The following GRIP2 variants were observed in gnomAD, a reference collection of about 807,000 sequenced individuals.
GRIP2 encodes the protein glutamate receptor-interacting protein 2.
GRIP2 carries 58 observed loss-of-function variants against 108.3 expected under a neutral mutation model. The observed-to-expected ratio is 0.54, with a 90% CI of 0.43 to 0.67. GRIP2 has a LOEUF of 0.67. Ranked by LOEUF, GRIP2 falls within the 30% of genes least tolerant of loss-of-function variation. GRIP2 has a pLI of 0.00. For missense variants in GRIP2, 1,278 were observed against 1,430.6 expected (o/e 0.89, Z 1.72); for synonymous variants, 586 against 598.2 (o/e 0.98, Z 0.30).
chr3:14,500,371 C>T (rs569950558), intron 21 of GRIP2, among the ~76,000 whole-genome samples: 12 of 152,282 alleles, frequency 7.9e-5, no homozygotes, highest in African/African-American at 2.6e-4. Flanking sequence ...AAGGCAAACA[C>T]GAGTCCTCGG....
chr3:14,530,217 C>T (rs1694671905), intron 1 of GRIP2, among the ~76,000 whole-genome samples: 1 of 151,960 alleles, frequency 6.6e-6, no homozygotes, highest in East Asian at 1.9e-4. Flanking sequence ...CTTCAAAGGT[C>T]CTGGCTTTAT....
the GRIP2 span, among the ~76,000 whole-genome samples, chr3:14,575,139 G>A: frequency 2.6e-5 from 4 of 152,216 alleles, no homozygotes; most frequent in African/African-American, 7.2e-5. Flanking sequence ...CTCAACCAGA[G>A]TGGTTATAAG....
the GRIP2 span, among the ~76,000 whole-genome samples, chr3:14,579,828 G>A: frequency 4.7e-4 from 72 of 152,240 alleles, no homozygotes; most frequent in Admixed American, 8.5e-4. Flanking sequence ...GACCAGGGCT[G>A]AGAGGAGCAG....
In GRIP2 at chr3:14,493,759, T is replaced by C. The variant is rs201727899; in HGVS notation, c.3038A>G (p.Asp1013Gly). The change falls in exon 24 of 24, where the codon GAT (aspartate) becomes GGT (glycine). Residue 1013 changes from aspartate to glycine, a missense_variant. Physicochemically the swap from Asp to Gly is moderately conservative, Grantham distance 94. Coordinates refer to ENST00000621039, the MANE Select transcript of GRIP2 (RefSeq NM_001080423.4). ...GCGGCTGATGATCAGCTCCAAGACATCACCCGCCTCGGCCAGGAGTGGCAC... is the reference window on the plus strand; with the variant it reads ...GCGGCTGATGATCAGCTCCAAGACACCACCCGCCTCGGCCAGGAGTGGCAC... ...LAVPLLAEAG[D>G]VLELIISRKP... 1.2e-6 allele frequency: 2 copies of C among 1,612,082 alleles called. No individual in the cohort carries two copies. Among genetic ancestry groups the C allele is most frequent in the African/African-American group, 1.3e-5 (1 of 75,048 alleles).
chr3:14,567,064 C>T, the GRIP2 span, among the ~76,000 whole-genome samples: 5 of 152,160 alleles, frequency 3.3e-5, no homozygotes, highest in Non-Finnish European at 5.9e-5. Context: ...ACGTCAACTG[C>T]CCAGCCTTGA....
chr3:14,598,862 C>T, the GRIP2 span, among the ~76,000 whole-genome samples: 10 of 152,308 alleles, frequency 6.6e-5, no homozygotes, highest in Admixed American at 3.9e-4. Context: ...GTTCCCTCCG[C>T]CTGCCTTGCT....
rs1262929924 is a variant in GRIP2 at position 14,522,114 on chromosome 3, C to T, written c.567-327G>A. ...GGGGGTGCTCTTCAAGCGTCACCCC[C>T]AACTCCTGCCTCAGGGACAAAGGAC... is the stretch of plus-strand genomic sequence containing the variant. On this transcript the variant is annotated intron_variant, in intron 6 of 23. Coordinates refer to ENST00000621039, the MANE Select transcript of GRIP2 (RefSeq NM_001080423.4). This position sits in a 1 kb window ranked among gnomAD's most constrained non-coding sequence, Gnocchi z 4.3. 3 of 275,386 alleles carry T rather than the reference C, an allele frequency of 1.1e-5. No homozygotes were observed. The highest frequency in any genetic ancestry group is 2.0e-5 in the Non-Finnish European group (3 of 147,986). 17.1% of individuals were successfully genotyped at this position (275,386 alleles called of 1,614,324 possible). A position where few individuals can be genotyped will look rare whatever the true frequency, so the allele number is the denominator to read the frequency against.
In GRIP2 at chr3:14,517,777, C is replaced by T. The variant is rs754999247; in HGVS notation, c.1151G>A (p.Ser384Asn). The T allele has an allele frequency of 4.1e-5, 66 of 1,610,338 alleles. No homozygotes were observed. Among genetic ancestry groups the T allele is most frequent in the Non-Finnish European group, 5.4e-5 (64 of 1,178,804 alleles). The change falls in exon 10 of 24, where the codon AGC becomes AAC. Residue 384 changes from serine (S) to asparagine (N), a missense_variant. Transcript: ENST00000621039. ...CAGCAGGGCAGGCACATTACATCGGCTTTGGTCCTGGCCAGCAGGTGTGGC... is the reference window on the plus strand; with the variant it reads ...CAGCAGGGCAGGCACATTACATCGGTTTTGGTCCTGGCCAGCAGGTGTGGC... ...TWATPAGQDQ[S>N]RSLSSTPFSS...
At chr3:14,498,681 G>A (rs915975560) in intron 21 of GRIP2, among the ~76,000 whole-genome samples, 2 of 152,156 alleles carry the variant, frequency 1.3e-5, no homozygotes, top group African/African-American at 4.8e-5. Flanking sequence ...GGGAGTCCAG[G>A]CATCACAGGG....
upstream of GRIP2, among the ~76,000 whole-genome samples, chr3:14,541,460 G>A (rs1000468523): frequency 9.9e-5 from 15 of 152,188 alleles, no homozygotes; most frequent in East Asian, 3.8e-4. Context: ...AGGGCTGCCC[G>A]GTAGTTAGGG....
chr3:14,570,733 A>T, the GRIP2 span, among the ~76,000 whole-genome samples: 1 of 152,234 alleles, frequency 6.6e-6, no homozygotes, highest in Non-Finnish European at 1.5e-5. Context: ...AAGTAAAAAG[A>T]AAATACTGGC....
rs1281961650 is a variant in GRIP2, at chr3:14,512,495, C to T, written c.1720+282G>A. Among the ~76,000 whole-genome samples the T allele has an allele frequency of 6.6e-6, 1 of 151,770 alleles. No individual in the cohort carries two copies. The highest frequency in any genetic ancestry group is 1.5e-5 in the Non-Finnish European group (1 of 68,020). ...CCCAGCCTAAATATTTGTCACCTTCCAATGCTCTCTCACCATGGGCACCTC... is the reference window on the plus strand; with the variant it reads ...CCCAGCCTAAATATTTGTCACCTTCTAATGCTCTCTCACCATGGGCACCTC... On this transcript the variant is annotated intron_variant, in intron 14 of 23. Transcript: ENST00000621039. The surrounding 1 kb of genome is among the most constrained non-coding windows in gnomAD (Gnocchi z 5.1).
the GRIP2 span, among the ~76,000 whole-genome samples, chr3:14,572,020 A>G: frequency 6.6e-6 from 1 of 152,112 alleles, no homozygotes; most frequent in Non-Finnish European, 1.5e-5. Flanking sequence ...ATTTCAAGAT[A>G]CGTATATTCT....
At chr3:14,503,936 A>C (rs1234481254) in intron 20 of GRIP2, 1 of 498,488 alleles carries the variant, frequency 2.0e-6, no homozygotes, top group Non-Finnish European at 3.6e-6. Flanking sequence ...CGGGGTGGAG[A>C]GCGGTGACAC....
chr3:14,512,836 C>T lies in GRIP2; in HGVS notation c.1661G>A (p.Gly554Asp). The stretch of plus-strand genomic sequence containing the variant: ...CTTGGGCAGCTTCACGTGGAAGGTG[C>T]CACTGCTTGGGATGACGGACTCTGG... ...DVAESVIPSS[G>D]TFHVKLPKKR... The change falls in exon 14 of 24, where the codon GGC becomes GAC. Residue 554 changes from glycine to aspartate, a missense_variant. Gly to Asp is a moderately conservative substitution (Grantham distance 94). Transcript: ENST00000621039. This position sits in a 1 kb window ranked among gnomAD's most constrained non-coding sequence, Gnocchi z 5.1. 1 of 1,613,696 alleles carries T rather than the reference C, an allele frequency of 6.2e-7. No homozygotes were observed. Among genetic ancestry groups the T allele is most frequent in the Non-Finnish European group, 8.5e-7 (1 of 1,179,872 alleles).
chr3:14,494,967 A>C lies in GRIP2; in HGVS notation c.2846T>G (p.Met949Arg). Residue 949 changes from methionine to arginine, a missense_variant, in exon 23 of 24, where the codon ATG (methionine) becomes AGG (arginine). Coordinates refer to ENST00000621039, the MANE Select transcript of GRIP2 (RefSeq NM_001080423.4). ...GACGCTGAAACCAAAGTCATGCCGC[A>C]TGGGGTCCTTGTGCAGGGTCACCTG... The part of the protein sequence containing the change: ...MHKVTLHKDP[M>R]RHDFGFSVSD... 6.2e-7 allele frequency: 1 copy of C among 1,613,884 alleles called. No homozygotes were observed. The highest frequency in any genetic ancestry group is 1.1e-5 in the South Asian group (1 of 91,084).
upstream of GRIP2, among the ~76,000 whole-genome samples, chr3:14,545,570 C>T (rs142989200): frequency 1.8e-3 from 280 of 152,362 alleles, no homozygotes; most frequent in Non-Finnish European, 3.0e-3. Context: ...GGGCTCCATG[C>T]TTCCCTTGAC....
rs1189617381 is a variant in GRIP2, at chr3:14,523,717, CT to C, written c.404-20del. The C allele has an allele frequency of 4.5e-6, 7 of 1,560,788 alleles. No homozygotes were observed. Among genetic ancestry groups the C allele is most frequent in the African/African-American group, 1.4e-5 (1 of 73,988 alleles). On this transcript the variant is annotated intron_variant, in intron 4 of 23. Coordinates refer to ENST00000621039, the MANE Select transcript of GRIP2 (RefSeq NM_001080423.4). ...TCAGGAGCTGGGGAGAAATGGAGGA[CT>C]CCTTTGAGTCCCTCAGTCGCATCTC...
chr3:14,574,811 A>G, the GRIP2 span: 1 of 345,346 alleles, frequency 2.9e-6, no homozygotes, highest in Non-Finnish European at 5.6e-6. Flanking sequence ...GGAAGTTTAC[A>G]TAACAATGAA....
Sources: allele counts gnomAD v4.1 joint callset (sites outside exome capture counted in the v4.1 genomes callset), GRCh38; gene constraint gnomAD v4.1.1; non-coding constraint Gnocchi (gnomAD v3.1); transcripts MANE v1.5; gene names NCBI Gene and HGNC (gene_info 2026-07-23, HGNC 2026-07-21).